The following KCNQ1OT1 variants were observed in gnomAD, a reference collection of about 807,000 sequenced individuals.
KCNQ1OT1 encodes KCNQ1 antisense RNA 2 (non-protein coding).
chr11:2,614,970 T>C, exon 1 of KCNQ1OT1: 1 of 398,480 alleles, frequency 2.5e-6, no homozygotes, highest in Non-Finnish European at 4.4e-6. Flanking sequence ...ATTGAATCTG[T>C]AGATCACTGG....
Position 2,651,880 on chromosome 11 carries a change from AG to A in KCNQ1OT1, n.48114del. On this transcript the variant is annotated non_coding_transcript_exon_variant, in exon 1 of 1. Coordinates refer to ENST00000597346, the Ensembl canonical transcript of KCNQ1OT1. The surrounding 1 kb of genome is among the most constrained non-coding windows in gnomAD (Gnocchi z 6.1). ...TTTTCTTGAAGTAGTGTTCAGGCTGAGGGGGTCATAGCCGAGGGTCCCTCTG... is the reference window on the plus strand; with the variant it reads ...TTTTCTTGAAGTAGTGTTCAGGCTGAGGGGTCATAGCCGAGGGTCCCTCTG... The A allele has an allele frequency of 2.5e-6, 1 of 398,706 alleles. No individual in the cohort carries two copies. Among genetic ancestry groups the A allele is most frequent in the East Asian group, 3.6e-5 (1 of 28,072 alleles). 24.7% of individuals were successfully genotyped at this position (398,706 alleles called of 1,614,324 possible). A position where few individuals can be genotyped will look rare whatever the true frequency, so the allele number is the denominator to read the frequency against.
rs187569340 is a variant in KCNQ1OT1, at chr11:2,689,902, C to T, written n.10093G>A. On this transcript the variant is annotated non_coding_transcript_exon_variant, in exon 1 of 1. Transcript: ENST00000597346. ...CCCCATCCCTGGGGAAGGTTCCCAC[C>T]TGCTCCAACTTCTGGTACTCCCAGG... 1.3e-5 allele frequency: 5 copies of T among 398,846 alleles called. No homozygotes were observed. The East Asian group carries it at 1.8e-4, about 14-fold the overall frequency. The allele number at this position is 398,846 out of a possible 1,614,324, so 24.7% of individuals were successfully genotyped here. A position where few individuals can be genotyped will look rare whatever the true frequency, so the allele number is the denominator to read the frequency against.
At chr11:2,650,515 T>A in exon 1 of KCNQ1OT1, 1 of 398,720 alleles carries the variant, frequency 2.5e-6, no homozygotes, top group Non-Finnish European at 4.4e-6. Flanking sequence ...AATTAGACTA[T>A]AATCCACATC....
At chr11:2,637,262 A>C (rs963547774) in exon 1 of KCNQ1OT1, 4 of 151,912 alleles carry the variant, frequency 2.6e-5, no homozygotes, top group African/African-American at 4.8e-5. Context: ...TAGTTCTTTT[A>C]ATTGTGATGT....
rs542665111 is a variant in KCNQ1OT1, at chr11:2,653,823, G to A, written n.46172C>T. On this transcript the variant is annotated non_coding_transcript_exon_variant, in exon 1 of 1. Coordinates refer to ENST00000597346, the Ensembl canonical transcript of KCNQ1OT1. The surrounding 1 kb of genome is among the most constrained non-coding windows in gnomAD (Gnocchi z 5.3). ...CGATGGCTGAGGCAAGGTCCACAGG[G>A]ACCCCTTTGGGGATGGCCAGAGGGT... The A allele has an allele frequency of 5.0e-6, 2 of 398,656 alleles. No individual in the cohort carries two copies. The highest frequency in any genetic ancestry group is 3.6e-5 in the East Asian group (1 of 28,074). The allele number at this position is 398,656 out of a possible 1,614,324, so 24.7% of individuals were successfully genotyped here. A position where few individuals can be genotyped will look rare whatever the true frequency, so the allele number is the denominator to read the frequency against.
exon 1 of KCNQ1OT1, chr11:2,649,327 T>A: frequency 5.0e-6 from 2 of 398,542 alleles, no homozygotes; most frequent in Non-Finnish European, 4.4e-6. Flanking sequence ...TTTTCTGTAG[T>A]GATAATCTTT....
At chr11:2,680,686 T>C (rs2133880159) in exon 1 of KCNQ1OT1, 2 of 398,532 alleles carry the variant, frequency 5.0e-6, no homozygotes, top group East Asian at 7.1e-5. Flanking sequence ...TCTTCAAGAA[T>C]CCCTCATGTC....
chr11:2,650,677 T>A, exon 1 of KCNQ1OT1: 1 of 398,656 alleles, frequency 2.5e-6, no homozygotes, highest in Non-Finnish European at 4.4e-6. Flanking sequence ...TTAAGCCTCT[T>A]CTCTGATTCT....
chr11:2,617,622 C>G lies in KCNQ1OT1; in HGVS notation n.82373G>C. ...TCAGATGATAGTATATTTTCAATTT[C>G]TTTAGGAGCCACCATTCTGTTTTTC... is the stretch of plus-strand genomic sequence containing the variant. On this transcript the variant is annotated non_coding_transcript_exon_variant, in exon 1 of 1. Coordinates refer to ENST00000597346, the Ensembl canonical transcript of KCNQ1OT1. The surrounding 1 kb of genome is among the most constrained non-coding windows in gnomAD (Gnocchi z 4.6). 1 of 398,360 alleles carries G rather than the reference C, an allele frequency of 2.5e-6. No homozygotes were observed. Among genetic ancestry groups the G allele is most frequent in the Non-Finnish European group, 4.4e-6 (1 of 225,934 alleles). 24.7% of individuals were successfully genotyped at this position (398,360 alleles called of 1,614,324 possible). A position where few individuals can be genotyped will look rare whatever the true frequency, so the allele number is the denominator to read the frequency against.
rs932534098 is a variant in KCNQ1OT1 at position 2,691,729 on chromosome 11, C to A, written n.8266G>T. ...CAGGGGAGAGGCAGCCCACAGGGAG[C>A]CACACAGGCAGGGGACATTCCACTA... On this transcript the variant is annotated non_coding_transcript_exon_variant, in exon 1 of 1. Transcript: ENST00000597346. The surrounding 1 kb of genome is among the most constrained non-coding windows in gnomAD (Gnocchi z 6.4). 11 of 398,512 alleles carry A rather than the reference C, an allele frequency of 2.8e-5. No individual in the cohort carries two copies. In the Admixed American group the frequency reaches 4.4e-4, roughly 16 times the overall value. 24.7% of individuals were successfully genotyped at this position (398,512 alleles called of 1,614,324 possible). A position where few individuals can be genotyped will look rare whatever the true frequency, so the allele number is the denominator to read the frequency against.
chr11:2,669,108 C>T lies in KCNQ1OT1; in HGVS notation n.30887G>A, dbSNP rs1028581496. ...GTCTTTACAATCAGCTCACTGGCTACGTGTGGCTCTGTTTCTGGACCCTAT... is the reference window on the plus strand; with the variant it reads ...GTCTTTACAATCAGCTCACTGGCTATGTGTGGCTCTGTTTCTGGACCCTAT... On this transcript the variant is annotated non_coding_transcript_exon_variant, in exon 1 of 1. Coordinates refer to ENST00000597346, the Ensembl canonical transcript of KCNQ1OT1. This position sits in a 1 kb window ranked among gnomAD's most constrained non-coding sequence, Gnocchi z 5.6. 5.3e-5 allele frequency: 21 copies of T among 398,586 alleles called. No individual in the cohort carries two copies. Among genetic ancestry groups the T allele is most frequent in the Non-Finnish European group, 7.5e-5 (17 of 226,128 alleles). 24.7% of individuals were successfully genotyped at this position (398,586 alleles called of 1,614,324 possible). A position where few individuals can be genotyped will look rare whatever the true frequency, so the allele number is the denominator to read the frequency against.
chr11:2,669,887 T>G lies in KCNQ1OT1; in HGVS notation n.30108A>C. 5.0e-6 allele frequency: 2 copies of G among 398,548 alleles called. No homozygotes were observed. The highest frequency in any genetic ancestry group is 8.8e-6 in the Non-Finnish European group (2 of 226,068). The allele number at this position is 398,548 out of a possible 1,614,324, so 24.7% of individuals were successfully genotyped here. On this transcript the variant is annotated non_coding_transcript_exon_variant, in exon 1 of 1. Coordinates refer to ENST00000597346, the Ensembl canonical transcript of KCNQ1OT1. This position sits in a 1 kb window ranked among gnomAD's most constrained non-coding sequence, Gnocchi z 5.6. Reference sequence around the variant, plus strand: ...TATGGCTGTCAGCTGCTGTCCTTAATAAGATGTGCCTAGAGGCCTGAGAGT... The same window carrying G: ...TATGGCTGTCAGCTGCTGTCCTTAAGAAGATGTGCCTAGAGGCCTGAGAGT...
chr11:2,699,532 G>A, exon 1 of KCNQ1OT1: 1 of 340,114 alleles, frequency 2.9e-6, no homozygotes, highest in Non-Finnish European at 5.1e-6. Context: ...GCCGCGCTGA[G>A]GAGGCCCAGG....
rs575636299 is a variant in KCNQ1OT1, at chr11:2,637,914, T to C, written n.62081A>G. 1.4e-4 allele frequency: 22 copies of C among 152,366 alleles called. 1 individual carries two copies. The highest frequency in any genetic ancestry group is 5.0e-4 in the African/African-American group (21 of 41,588). 9.4% of individuals were successfully genotyped at this position (152,366 alleles called of 1,614,324 possible). On this transcript the variant is annotated non_coding_transcript_exon_variant, in exon 1 of 1. Coordinates refer to ENST00000597346, the Ensembl canonical transcript of KCNQ1OT1. Reference sequence around the variant, plus strand: ...AAGATAGTTAGCTCTTCTTGTTGAATTGATCCCTTTACCATTATGTAATGA... The same window carrying C: ...AAGATAGTTAGCTCTTCTTGTTGAACTGATCCCTTTACCATTATGTAATGA...
Position 2,663,944 on chromosome 11 carries a change from T to A in KCNQ1OT1, n.36051A>T, listed in dbSNP as rs182333458. On this transcript the variant is annotated non_coding_transcript_exon_variant, in exon 1 of 1. Coordinates refer to ENST00000597346, the Ensembl canonical transcript of KCNQ1OT1. This position sits in a 1 kb window ranked among gnomAD's most constrained non-coding sequence, Gnocchi z 5.2. ...GGCTGTTTCTTGTTCCACTCCAGGA[T>A]GACAGGGCCTGAGAGACCTGAACAT... The A allele has an allele frequency of 2.5e-4, 98 of 398,708 alleles. No homozygotes were observed. In the Admixed American group the frequency reaches 3.6e-3, roughly 15 times the overall value. The allele number at this position is 398,708 out of a possible 1,614,324, so 24.7% of individuals were successfully genotyped here. A position where few individuals can be genotyped will look rare whatever the true frequency, so the allele number is the denominator to read the frequency against.
In KCNQ1OT1 at chr11:2,671,313, T is replaced by G. The variant is rs1850180101; in HGVS notation, n.28682A>C. 2.5e-6 allele frequency: 1 copy of G among 398,490 alleles called. No individual in the cohort carries two copies. Among genetic ancestry groups the G allele is most frequent in the South Asian group, 1.3e-4 (1 of 7,848 alleles). The allele number at this position is 398,490 out of a possible 1,614,324, so 24.7% of individuals were successfully genotyped here. On this transcript the variant is annotated non_coding_transcript_exon_variant, in exon 1 of 1. Coordinates refer to ENST00000597346, the Ensembl canonical transcript of KCNQ1OT1. The surrounding 1 kb of genome is among the most constrained non-coding windows in gnomAD (Gnocchi z 4.7). ...TCTCCATAAGTAATCTTTTCCCATG[T>G]GTGGCTGCAGCCTCAGAGGCTCCCT... is the stretch of plus-strand genomic sequence containing the variant.
At position 2,682,326 on chromosome 11, in the gene KCNQ1OT1, G is replaced by A; in HGVS notation, n.17669C>T. On this transcript the variant is annotated non_coding_transcript_exon_variant, in exon 1 of 1. Transcript: ENST00000597346. This position sits in a 1 kb window ranked among gnomAD's most constrained non-coding sequence, Gnocchi z 5.8. ...CCTCCCATTCTTAATGTGTAACTGTGTGTTTATTTGTGGTAAAGGGTTTAC... is the reference window on the plus strand; with the variant it reads ...CCTCCCATTCTTAATGTGTAACTGTATGTTTATTTGTGGTAAAGGGTTTAC... 2.5e-6 allele frequency: 1 copy of A among 398,612 alleles called. No individual in the cohort carries two copies. The highest frequency in any genetic ancestry group is 4.4e-6 in the Non-Finnish European group (1 of 226,072). The allele number at this position is 398,612 out of a possible 1,614,324, so 24.7% of individuals were successfully genotyped here.
rs190166439 is a variant in KCNQ1OT1, at chr11:2,660,158, G to A, written n.39837C>T. On this transcript the variant is annotated non_coding_transcript_exon_variant, in exon 1 of 1. Coordinates refer to ENST00000597346, the Ensembl canonical transcript of KCNQ1OT1. ...AGATTTTCTCTTATGTTTTCTTCAA[G>A]ATATTTTATGGTTTTATGTTTTATT... The A allele has an allele frequency of 3.8e-3, 1,522 of 398,186 alleles. 6 individuals carry two copies. Among genetic ancestry groups the A allele is most frequent in the Non-Finnish European group, 5.4e-3 (1,210 of 225,914 alleles). The allele number at this position is 398,186 out of a possible 1,614,324, so 24.7% of individuals were successfully genotyped here. A position where few individuals can be genotyped will look rare whatever the true frequency, so the allele number is the denominator to read the frequency against.
exon 1 of KCNQ1OT1, chr11:2,641,722 A>G (rs1280722272): frequency 2.5e-6 from 1 of 398,232 alleles, no homozygotes. Context: ...CCAATGTCCT[A>G]AAGTGTTTCC....
Sources: allele counts gnomAD v4.1 joint callset, GRCh38; gene constraint gnomAD v4.1.1; non-coding constraint Gnocchi (gnomAD v3.1); transcripts MANE v1.5; gene names NCBI Gene and HGNC (gene_info 2026-07-23, HGNC 2026-07-21).